MTUS2: variants seen among roughly 807,000 people sequenced by gnomAD.
MTUS2 encodes microtubule-associated tumor suppressor candidate 2.
A neutral mutation model predicts 114.1 loss-of-function variants in MTUS2; 40 were observed. The observed-to-expected ratio is 0.35, with a 90% CI of 0.27 to 0.46. The LOEUF is 0.46. Among genes scored for constraint, MTUS2 ranks in the 20% least tolerant of loss-of-function variants. The probability of loss-of-function intolerance (pLI) is 1.00; values close to 1 mark genes in which losing one functional copy is unlikely to be tolerated. For synonymous variants in MTUS2, 688 were observed against 672.0 expected, an observed-to-expected ratio of 1.02 and a Z score of -0.37; for missense variants, 1,679 against 1,705.4, an observed-to-expected ratio of 0.98 and a Z score of 0.27.
At chr13:29,331,102 CTT>C (rs1900757323) in intron 7 of MTUS2, among the ~76,000 whole-genome samples, 1 of 152,114 alleles carries the variant, frequency 6.6e-6, no homozygotes, top group Non-Finnish European at 1.5e-5. Context: ...TGTGTCCTCT[CTT>C]ATTTCATTGG....
chr13:29,502,947 T>G (rs1296631368), intron 15 of MTUS2, 46 bp from the exon 16 acceptor site: 3 of 1,588,442 alleles, frequency 1.9e-6, no homozygotes, highest in Non-Finnish European at 2.6e-6. Flanking sequence ...TCAGGTTCAG[T>G]GTCCACTAGC....
At chr13:29,165,379 C>T (rs1402531907) in intron 5 of MTUS2, among the ~76,000 whole-genome samples, 1 of 152,208 alleles carries the variant, frequency 6.6e-6, no homozygotes, top group Non-Finnish European at 1.5e-5. Context: ...TGTCCATTAG[C>T]TCTTATCAGA....
At chr13:29,046,527 A>G (rs1286533198) in intron 4 of MTUS2, among the ~76,000 whole-genome samples, 1 of 152,196 alleles carries the variant, frequency 6.6e-6, no homozygotes, top group African/African-American at 2.4e-5. Context: ...ACTTCTTTGA[A>G]CAAACCCATC....
chr13:28,994,188 G>C (rs1214764741), intron 2 of MTUS2, among the ~76,000 whole-genome samples: 5 of 152,108 alleles, frequency 3.3e-5, no homozygotes, highest in East Asian at 1.9e-4. Context: ...TGCTTAGAAT[G>C]ATGGTTTCCA....
Position 28,849,804 on chromosome 13 carries a change from T to A in MTUS2, c.-243+9954T>A, listed in dbSNP as rs556106174. Among the ~76,000 whole-genome samples the A allele has an allele frequency of 4.6e-5, 7 of 152,256 alleles. No individual in the cohort carries two copies. The South Asian group carries it at 1.4e-3, about 32-fold the overall frequency. The stretch of plus-strand genomic sequence containing the variant: ...CATGACGTTCTTCTGTCTAGAATGC[T>A]GTTTTCCCTCTCCTCTCTACCTCTG... On this transcript the variant is annotated intron_variant, in intron 2 of 15. Transcript: ENST00000612955.
At chr13:29,442,041 G>A (rs1487521843) in intron 9 of MTUS2, among the ~76,000 whole-genome samples, 2 of 152,160 alleles carry the variant, frequency 1.3e-5, no homozygotes, top group Non-Finnish European at 2.9e-5. Context: ...CACCTCTGCT[G>A]ACCTTCAGGT....
chr13:29,249,783 C>T (rs763506745), intron 5 of MTUS2, among the ~76,000 whole-genome samples: 2 of 152,032 alleles, frequency 1.3e-5, no homozygotes, highest in East Asian at 1.9e-4. Flanking sequence ...ACTAGGATTT[C>T]CTATTTAATA....
chr13:29,075,915 T>C (rs1889173007), intron 4 of MTUS2, among the ~76,000 whole-genome samples: 1 of 152,346 alleles, frequency 6.6e-6, no homozygotes, highest in South Asian at 2.1e-4. Context: ...TTGGTTTATA[T>C]TGAAGTCTTT....
rs186978509 is a variant in MTUS2, at chr13:28,883,603, A to G, written c.-243+43753A>G. Among the ~76,000 whole-genome samples the G allele has an allele frequency of 1.8e-3, 272 of 152,338 alleles. 2 individuals carry two copies. The highest frequency in any genetic ancestry group is 6.4e-3 in the African/African-American group (265 of 41,582). Reference sequence around the variant, plus strand: ...ATAACACTTTTGAAGTAACAAAATTATAGAGATGGAGAACAGATAGTGGTT... The same window carrying G: ...ATAACACTTTTGAAGTAACAAAATTGTAGAGATGGAGAACAGATAGTGGTT... On this transcript the variant is annotated intron_variant, in intron 2 of 15. Coordinates refer to ENST00000612955, the MANE Select transcript of MTUS2 (RefSeq NM_001033602.4).
intron 2 of MTUS2, among the ~76,000 whole-genome samples, chr13:28,873,313 C>T (rs978718545): frequency 6.6e-6 from 1 of 152,198 alleles, no homozygotes; most frequent in Admixed American, 6.5e-5. Context: ...TTTCTCACAT[C>T]TCTTTGAGAA....
At chr13:29,241,456 A>G (rs1290889758) in intron 5 of MTUS2, among the ~76,000 whole-genome samples, 1 of 152,100 alleles carries the variant, frequency 6.6e-6, no homozygotes, top group Admixed American at 6.6e-5. Context: ...CCCAGCATCT[A>G]GCACAACGCC....
chr13:29,358,956 G>GAAA (rs34048029), intron 7 of MTUS2, among the ~76,000 whole-genome samples: 71,949 of 139,340 alleles, frequency 0.52, 21,322 homozygotes, highest in South Asian at 0.68. Flanking sequence ...TCTCCTTTAA[G>GAAA]AAAAAAAAAA....
chr13:29,179,180 G>A (rs1420899684), intron 5 of MTUS2, among the ~76,000 whole-genome samples: 2 of 152,210 alleles, frequency 1.3e-5, no homozygotes, highest in African/African-American at 4.8e-5. Context: ...TGAAGAGACA[G>A]TCAGATCAGT....
At chr13:29,354,904 G>GCTGT (rs1316212909) in intron 7 of MTUS2, among the ~76,000 whole-genome samples, 1 of 152,202 alleles carries the variant, frequency 6.6e-6, no homozygotes, top group Non-Finnish European at 1.5e-5. Flanking sequence ...AGAGTGTCCT[G>GCTGT]CTGTCTGTCA....
At chr13:28,819,978 C>A (rs988364766), upstream of MTUS2, among the ~76,000 whole-genome samples, 2 of 146,934 alleles carry the variant, frequency 1.4e-5, no homozygotes, top group Non-Finnish European at 3.0e-5. Flanking sequence ...CGTCTCCGGG[C>A]GGCCGGGAGG....
At chr13:29,303,717 G>A (rs1767583382) in intron 6 of MTUS2, among the ~76,000 whole-genome samples, 2 of 152,108 alleles carry the variant, frequency 1.3e-5, no homozygotes, top group Non-Finnish European at 2.9e-5. Context: ...ACATACTGCA[G>A]GATATCATCC....
rs1423830050 is a variant in MTUS2, at chr13:28,999,090, G to A, written c.-242-25367G>A. Among the ~76,000 whole-genome samples, 3 of 151,586 alleles carry A rather than the reference G, an allele frequency of 2.0e-5. No homozygotes were observed. The East Asian group carries it at 5.8e-4, about 29-fold the overall frequency. On this transcript the variant is annotated intron_variant, in intron 2 of 15. Transcript: ENST00000612955. ...TTTGGTGTGGATGTCCTTTCTGTTTGTTAGTTTTCCTTCTAACAGTCAGGA... is the reference window on the plus strand; with the variant it reads ...TTTGGTGTGGATGTCCTTTCTGTTTATTAGTTTTCCTTCTAACAGTCAGGA...
At chr13:28,873,341 A>C (rs1877737009) in intron 2 of MTUS2, among the ~76,000 whole-genome samples, 1 of 152,184 alleles carries the variant, frequency 6.6e-6, no homozygotes, top group South Asian at 2.1e-4. Flanking sequence ...CACTCTCATC[A>C]TTTAGATAGA....
rs1021611527 is a variant in MTUS2, at chr13:29,503,110, G to A, written c.4014G>A (p.Pro1338=). Residue 1338 remains proline (P), a synonymous_variant, in exon 16 of 16, where the codon CCG becomes CCA. Transcript: ENST00000612955. ...TTTGGAAGCTCCAAACTGGGGACCC[G>A]ACCAGTCCGATTAAACTCTCGCCCA... ...ELLWKLQTGD[P]TSPIKLSPTS... The A allele has an allele frequency of 1.2e-6, 2 of 1,614,178 alleles. No individual in the cohort carries two copies. Among genetic ancestry groups the A allele is most frequent in the Non-Finnish European group, 1.7e-6 (2 of 1,180,026 alleles).
Sources: allele counts gnomAD v4.1 joint callset (sites outside exome capture counted in the v4.1 genomes callset), GRCh38; gene constraint gnomAD v4.1.1; transcripts MANE v1.5; gene names NCBI Gene and HGNC (gene_info 2026-07-23, HGNC 2026-07-21).